The following MROH9 variants were observed in gnomAD, a reference collection of about 807,000 sequenced individuals.
MROH9 encodes the protein maestro heat-like repeat-containing protein family member 9.
MROH9 carries 92 observed loss-of-function variants against 98.2 expected under a neutral mutation model. The observed-to-expected ratio is 0.94, with a 90% CI of 0.79 to 1.11. The LOEUF is 1.11. MROH9 is among the 50% of genes most tolerant of loss of function. MROH9 has a pLI of 0.00. For synonymous variants in MROH9, 397 were observed against 368.9 expected, an observed-to-expected ratio of 1.08 and a Z score of -0.87; for missense variants, 1,057 against 1,014.8, an observed-to-expected ratio of 1.04 and a Z score of -0.57.
intron 20 of MROH9, among the ~76,000 whole-genome samples, chr1:171,027,016 G>A (rs1046253313): frequency 9.2e-5 from 14 of 152,054 alleles, no homozygotes; most frequent in African/African-American, 3.4e-4. Context: ...CTCAGTAAGG[G>A]ACAAGGAGTA....
intron 6 of MROH9, 65 bp downstream of exon 6, chr1:170,962,041 T>C (rs932785688): frequency 5.4e-5 from 47 of 862,418 alleles, no homozygotes; most frequent in Non-Finnish European, 7.4e-5. Context: ...ATGCTTCACT[T>C]TCTTCTCATT....
chr1:170,972,199 G>A (rs369929253), intron 8 of MROH9, among the ~76,000 whole-genome samples: 12 of 152,154 alleles, frequency 7.9e-5, no homozygotes, highest in South Asian at 2.1e-4. Flanking sequence ...TTAAAAATGC[G>A]GTATTTTTTT....
In MROH9 at chr1:171,064,566, A is replaced by G. The variant is rs1372840998; in HGVS notation, c.*226A>G. 1 of 437,336 alleles carries G rather than the reference A, an allele frequency of 2.3e-6. No individual in the cohort carries two copies. The highest frequency in any genetic ancestry group is 2.0e-5 in the African/African-American group (1 of 48,904). The allele number at this position is 437,336 out of a possible 1,614,324, so 27.1% of individuals were successfully genotyped here. ...TGCCTCTGTATGTCTGACAGTGATC[A>G]GAAGCCCTATTTCATCAAAACCACT... is the stretch of plus-strand genomic sequence containing the variant. On this transcript the variant is annotated 3_prime_UTR_variant, in exon 22 of 22. Transcript: ENST00000367759.
chr1:171,011,675 A>G (rs1022480853), intron 15 of MROH9, among the ~76,000 whole-genome samples: 15 of 152,320 alleles, frequency 9.8e-5, no homozygotes, highest in African/African-American at 3.6e-4. Context: ...GACATGTGTA[A>G]TGTATAAAAG....
chr1:170,964,402 A>T (rs545459407), intron 6 of MROH9, among the ~76,000 whole-genome samples: 1 of 152,094 alleles, frequency 6.6e-6, no homozygotes, highest in Non-Finnish European at 1.5e-5. Context: ...CTTAGGAAAT[A>T]GACTTCAAAC....
At chr1:170,968,924 G>T (rs1650335664) in intron 7 of MROH9, among the ~76,000 whole-genome samples, 1 of 151,988 alleles carries the variant, frequency 6.6e-6, no homozygotes, top group Non-Finnish European at 1.5e-5. Context: ...TCAACTTTTA[G>T]AATTAATCTA....
At chr1:170,968,813 G>A (rs1316885294) in intron 7 of MROH9, among the ~76,000 whole-genome samples, 3 of 152,004 alleles carry the variant, frequency 2.0e-5, no homozygotes, top group Non-Finnish European at 2.9e-5. Flanking sequence ...GTACAGATGC[G>A]AAAGACATAG....
Position 171,032,131 on chromosome 1 carries a change from A to T in MROH9, c.2281+6711A>T, listed in dbSNP as rs543896291. ...GTGCTGGGGTTTTCAGCTCCATCAGATCATTTATGTTTCTCTCTAAACTGG... is the reference window on the plus strand; with the variant it reads ...GTGCTGGGGTTTTCAGCTCCATCAGTTCATTTATGTTTCTCTCTAAACTGG... On this transcript the variant is annotated intron_variant, in intron 20 of 21. Transcript: ENST00000367759. Among the ~76,000 whole-genome samples, 22 of 152,228 alleles carry T rather than the reference A, an allele frequency of 1.4e-4. No individual in the cohort carries two copies. In the South Asian group the frequency reaches 4.6e-3, roughly 32 times the overall value.
chr1:170,959,485 T>A lies in MROH9; in HGVS notation c.176T>A (p.Phe59Tyr). The change falls in exon 5 of 22, where the codon TTT (phenylalanine) becomes TAT (tyrosine). Residue 59 changes from phenylalanine to tyrosine, a missense_variant. By Grantham distance (22) the Phe-to-Tyr change is conservative (BLOSUM62 3). Coordinates refer to ENST00000367759, the MANE Select transcript of MROH9 (RefSeq NM_001163629.2). Reference protein sequence around the residue: ...NSSFVDPLLQFESQLKIIESS... With the variant: ...NSSFVDPLLQYESQLKIIESS... Reference sequence around the variant, plus strand: ...AGCTTTGTGGATCCCTTACTGCAGTTTGAATCTCAGTTGAAGATAATAGAG... The same window carrying A: ...AGCTTTGTGGATCCCTTACTGCAGTATGAATCTCAGTTGAAGATAATAGAG... 1 of 1,611,576 alleles carries A rather than the reference T, an allele frequency of 6.2e-7. No individual in the cohort carries two copies. Among genetic ancestry groups the A allele is most frequent in the Non-Finnish European group, 8.5e-7 (1 of 1,178,966 alleles).
chr1:170,962,958 T>C (rs1034276551), intron 6 of MROH9, among the ~76,000 whole-genome samples: 1 of 151,854 alleles, frequency 6.6e-6, no homozygotes, highest in Non-Finnish European at 1.5e-5. Flanking sequence ...CAGTTGCAAA[T>C]GGGACCAAAA....
chr1:170,963,566 A>G (rs1650111325), intron 6 of MROH9, among the ~76,000 whole-genome samples: 1 of 152,158 alleles, frequency 6.6e-6, no homozygotes, highest in Non-Finnish European at 1.5e-5. Context: ...ATAATAGCAA[A>G]GACATGGAAT....
chr1:170,988,484 C>G (rs1651233487), intron 10 of MROH9, among the ~76,000 whole-genome samples: 1 of 152,062 alleles, frequency 6.6e-6, no homozygotes, highest in Non-Finnish European at 1.5e-5. Context: ...TGAAGGCTTA[C>G]CAAGTCCCTG....
chr1:170,999,380 G>A (rs1651706367), intron 15 of MROH9, among the ~76,000 whole-genome samples: 1 of 151,990 alleles, frequency 6.6e-6, no homozygotes, highest in African/African-American at 2.4e-5. Context: ...CATCCTCATA[G>A]CTTAGCTCTC....
chr1:170,996,504 T>C lies in MROH9; in HGVS notation c.1338-3T>C. ...ATGACTTTGCTCTCTTTTGGGGCTT[T>C]AGGTATGCCCAGGATGCCCTGAGAG... On this transcript the variant is annotated splice_region_variant and splice_polypyrimidine_tract_variant and intron_variant, in intron 13 of 21. Transcript: ENST00000367759. The C allele has an allele frequency of 1.9e-6, 3 of 1,612,682 alleles. No homozygotes were observed. The highest frequency in any genetic ancestry group is 2.5e-6 in the Non-Finnish European group (3 of 1,179,268).
intron 20 of MROH9, among the ~76,000 whole-genome samples, chr1:171,051,235 T>G (rs1188925748): frequency 2.0e-5 from 3 of 152,208 alleles, no homozygotes; most frequent in African/African-American, 7.2e-5. Context: ...ATCTCATTAC[T>G]GGGTATATAC....
At chr1:171,047,009 G>A (rs1191835556) in intron 20 of MROH9, among the ~76,000 whole-genome samples, 3 of 152,118 alleles carry the variant, frequency 2.0e-5, no homozygotes, top group Non-Finnish European at 4.4e-5. Flanking sequence ...GCCTGTAAGG[G>A]TTCCACTAAA....
intron 20 of MROH9, among the ~76,000 whole-genome samples, chr1:171,033,963 G>A (rs909765965): frequency 1.3e-5 from 2 of 151,868 alleles, no homozygotes; most frequent in Non-Finnish European, 2.9e-5. Context: ...GCAACATTAA[G>A]GCATTTTGTA....
intron 5 of MROH9, among the ~76,000 whole-genome samples, chr1:170,959,904 G>A (rs576619570): frequency 6.6e-6 from 1 of 152,354 alleles, no homozygotes; most frequent in African/African-American, 2.4e-5. Context: ...AAAGATGGAA[G>A]TAGAAAGAAT....
At chr1:170,985,748 A>AC (rs5778691) in intron 9 of MROH9, among the ~76,000 whole-genome samples, 1 of 141,340 alleles carries the variant, frequency 7.1e-6, no homozygotes, top group Non-Finnish European at 1.5e-5. Flanking sequence ...AGCCTTGGTT[A>AC]CCCCCCTCTA....
Sources: gnomAD v4.1 joint callset for allele counts (sites outside exome capture counted in the v4.1 genomes callset) on GRCh38, gnomAD v4.1.1 for gene constraint, MANE v1.5 for transcripts, NCBI Gene and HGNC (gene_info 2026-07-23, HGNC 2026-07-21) for gene names.